PSPH: variants seen among roughly 807,000 people sequenced by gnomAD.
PSPH encodes L-3-phosphoserine phosphatase.
PSPH carries 16 observed loss-of-function variants against 23.4 expected under a neutral mutation model. That is an observed-to-expected ratio of 0.68 (90% CI 0.46 to 1.04). PSPH has a LOEUF of 1.04. Ranked by LOEUF, PSPH falls within the 50% of genes least tolerant of loss-of-function variation. The pLI is 0.00. For synonymous variants in PSPH, 68 were observed against 99.7 expected (o/e 0.68, Z 1.89); for missense variants, 223 against 273.7 (o/e 0.81, Z 1.31).
chr7:56,016,984 T>C (rs1340415960), intron 6 of PSPH, among the ~76,000 whole-genome samples: 1 of 152,194 alleles, frequency 6.6e-6, no homozygotes, highest in Non-Finnish European at 1.5e-5. Context: ...TAGGAGTTAA[T>C]GTTTCACGAA....
chr7:56,020,263 G>A (rs966578570), intron 4 of PSPH, among the ~76,000 whole-genome samples: 3 of 151,656 alleles, frequency 2.0e-5, no homozygotes, highest in African/African-American at 4.8e-5. Flanking sequence ...TATTTTTCTT[G>A]CAAGCTGTGA....
At chr7:56,020,055 A>G (rs966922418) in intron 4 of PSPH, among the ~76,000 whole-genome samples, 3 of 100,172 alleles carry the variant, frequency 3.0e-5, no homozygotes, top group Non-Finnish European at 5.5e-5. Flanking sequence ...CATCTTTACT[A>G]AAAAAATGCA....
At chr7:56,044,838 T>C (rs1793011917) in intron 1 of PSPH, among the ~76,000 whole-genome samples, 1 of 151,836 alleles carries the variant, frequency 6.6e-6, no homozygotes, top group African/African-American at 2.4e-5. Flanking sequence ...ATGCTTGTAA[T>C]CCAGGCAGGC....
intron 7 of PSPH, among the ~76,000 whole-genome samples, chr7:56,013,192 C>CACACACACACACAT (rs1054564693): frequency 1.5e-5 from 2 of 137,806 alleles, no homozygotes; most frequent in East Asian, 2.4e-4. Context: ...CACACACACA[C>CACACACACACACAT]ATATATATAG....
chr7:56,013,154 T>TACACACACAC (rs1491339226), intron 7 of PSPH, among the ~76,000 whole-genome samples: 15 of 72,342 alleles, frequency 2.1e-4, no homozygotes, highest in East Asian at 3.3e-4. Flanking sequence ...TGTGTATGTG[T>TACACACACAC]ATACACACAC....
intron 3 of PSPH, among the ~76,000 whole-genome samples, chr7:56,021,822 C>T (rs979935449): frequency 5.9e-5 from 9 of 151,348 alleles, no homozygotes; most frequent in East Asian, 5.8e-4. Context: ...TGGTGGCAGG[C>T]GCCTGTAGTC....
intron 4 of PSPH, 39 bp downstream of exon 4, chr7:56,021,034 T>C: frequency 6.2e-7 from 1 of 1,613,208 alleles, no homozygotes; most frequent in South Asian, 1.1e-5. Context: ...CTTTAGAAAG[T>C]CTTTATCATT....
At chr7:56,017,126 A>C in intron 6 of PSPH, 108 bp downstream of exon 6, 1 of 1,551,076 alleles carries the variant, frequency 6.4e-7, no homozygotes, top group Non-Finnish European at 8.8e-7. Flanking sequence ...CATTCATCTC[A>C]ATATTTAACT....
In PSPH at chr7:56,035,168, C is replaced by G. The variant is rs561241607; in HGVS notation, c.-291-1062G>C. Among the ~76,000 whole-genome samples the G allele has an allele frequency of 1.2e-4, 18 of 152,242 alleles. No homozygotes were observed. The South Asian group carries it at 2.9e-3, about 25-fold the overall frequency. On this transcript the variant is annotated intron_variant, in intron 1 of 7. Coordinates refer to ENST00000275605, the MANE Select transcript of PSPH (RefSeq NM_004577.4). ...CCAGCCTGGCCAACATGGCAAAACT[C>G]CATCTCCAGCAAAAATACAAAAATT... is the stretch of plus-strand genomic sequence containing the variant.
At chr7:56,033,701 C>T (rs1452635391) in intron 2 of PSPH, among the ~76,000 whole-genome samples, 1 of 152,020 alleles carries the variant, frequency 6.6e-6, no homozygotes, top group Non-Finnish European at 1.5e-5. Context: ...GGGGATTGTT[C>T]CAATCTTGCA....
At chr7:56,036,807 AG>A (rs1364900033) in intron 1 of PSPH, among the ~76,000 whole-genome samples, 1 of 152,182 alleles carries the variant, frequency 6.6e-6, no homozygotes, top group Non-Finnish European at 1.5e-5. Flanking sequence ...GACACTAATG[AG>A]TGGTCACATA....
At chr7:56,018,189 C>T (rs997267692) in intron 5 of PSPH, among the ~76,000 whole-genome samples, 1 of 151,878 alleles carries the variant, frequency 6.6e-6, no homozygotes, top group African/African-American at 2.4e-5. Flanking sequence ...ACTAAAAATA[C>T]AAAAATTAGC....
At chr7:56,029,841 T>C (rs1032691379) in intron 3 of PSPH, among the ~76,000 whole-genome samples, 1 of 151,800 alleles carries the variant, frequency 6.6e-6, no homozygotes, top group Non-Finnish European at 1.5e-5. Flanking sequence ...CCCCGGGCAT[T>C]GAAAGAGTAC....
chr7:56,042,660 A>G (rs1008469191), intron 1 of PSPH, among the ~76,000 whole-genome samples: 3 of 151,576 alleles, frequency 2.0e-5, no homozygotes, highest in Admixed American at 1.3e-4. Flanking sequence ...CAGAAGGAAA[A>G]AAAAAAAAAA....
chr7:56,031,333 G>C (rs1790980233), intron 3 of PSPH, among the ~76,000 whole-genome samples: 1 of 152,144 alleles, frequency 6.6e-6, no homozygotes, highest in African/African-American at 2.4e-5. Context: ...CTCAAACCCT[G>C]GGTGATGGGA....
chr7:56,037,046 C>T (rs1371248827), intron 1 of PSPH, among the ~76,000 whole-genome samples: 6 of 151,904 alleles, frequency 3.9e-5, no homozygotes, highest in African/African-American at 1.5e-4. Flanking sequence ...TGATGGCAGG[C>T]GCCTGTAATC....
chr7:56,014,198 G>C (rs1173808736), intron 7 of PSPH, among the ~76,000 whole-genome samples: 1 of 152,168 alleles, frequency 6.6e-6, no homozygotes, highest in African/African-American at 2.4e-5. Flanking sequence ...GGTAATGTAT[G>C]AGGAGCTAGT....
intron 5 of PSPH, among the ~76,000 whole-genome samples, chr7:56,017,776 G>A (rs1788774535): frequency 6.8e-6 from 1 of 146,976 alleles, no homozygotes; most frequent in Non-Finnish European, 1.5e-5. Context: ...AGGCTGGAGT[G>A]CAGTGGTGCG....
chr7:56,039,790 A>AT (rs1165458341), intron 1 of PSPH, among the ~76,000 whole-genome samples: 2 of 148,886 alleles, frequency 1.3e-5, no homozygotes, highest in African/African-American at 5.0e-5. Flanking sequence ...AAAAAAAAAA[A>AT]AAATTAAAAA....
Sources: allele counts gnomAD v4.1 joint callset (sites outside exome capture counted in the v4.1 genomes callset), GRCh38; gene constraint gnomAD v4.1.1; transcripts MANE v1.5; gene names NCBI Gene and HGNC (gene_info 2026-07-23, HGNC 2026-07-21).